Variants in IQGAP1 observed in about 807,000 individuals in gnomAD.
IQGAP1 encodes the protein IQ motif containing GTPase activating protein 1.
In IQGAP1, 66 loss-of-function variants were observed where a neutral mutation model predicts 215.6. The ratio of observed to expected loss-of-function variants is 0.31; its 90% confidence interval spans 0.25 to 0.38. The LOEUF is 0.38. IQGAP1 is among the 10% of genes least tolerant of loss of function. The pLI is 1.00. For synonymous variants in IQGAP1, 772 were observed against 728.7 expected (o/e 1.06, Z -0.96); for missense variants, 1,712 against 1,997.1 (o/e 0.86, Z 2.72).
chr15:90,412,212 T>G (rs1287855659), intron 2 of IQGAP1, among the ~76,000 whole-genome samples: 2 of 152,196 alleles, frequency 1.3e-5, no homozygotes, highest in Non-Finnish European at 2.9e-5. Flanking sequence ...TTCCCTGTTT[T>G]TCACTTATTC....
At chr15:90,414,857 G>A (rs2601202) in intron 2 of IQGAP1, among the ~76,000 whole-genome samples, 31,080 of 152,092 alleles carry the variant, frequency 0.2, 3,949 homozygotes, top group East Asian at 0.46. Flanking sequence ...TGTTTCAACC[G>A]TGAATTGCTC....
At position 90,499,414 on chromosome 15, in the gene IQGAP1, C is replaced by T. The variant is rs530611490; in HGVS notation, c.4861-581C>T. Among the ~76,000 whole-genome samples, 8 of 152,328 alleles carry T rather than the reference C, an allele frequency of 5.3e-5. No homozygotes were observed. The South Asian group carries it at 1.2e-3, about 24-fold the overall frequency. On this transcript the variant is annotated intron_variant, in intron 37 of 37. Transcript: ENST00000268182. ...TGTAATGTGCTTACACAATGCCAAG[C>T]ACATGGCAGACACCTAATAAAACAT...
chr15:90,470,264 GAAA>G (rs1965887637), intron 18 of IQGAP1, among the ~76,000 whole-genome samples: 1 of 152,076 alleles, frequency 6.6e-6, no homozygotes, highest in African/African-American at 2.4e-5. Flanking sequence ...CTCTCTGGAG[GAAA>G]CAGCTATCCT....
chr15:90,427,746 A>T (rs1321372617), intron 3 of IQGAP1, among the ~76,000 whole-genome samples: 1 of 152,104 alleles, frequency 6.6e-6, no homozygotes, highest in Non-Finnish European at 1.5e-5. Flanking sequence ...TCTCCCAAAA[A>T]AAAAATGGGG....
intron 24 of IQGAP1, 118 bp from the exon 25 acceptor site, chr15:90,476,949 G>C: frequency 7.5e-7 from 1 of 1,325,532 alleles, no homozygotes; most frequent in Non-Finnish European, 1.1e-6. Flanking sequence ...ACTGTAACAT[G>C]TTAATTTATT....
In IQGAP1 at chr15:90,422,662, A is replaced by ATATATATATATG. The variant is rs1180103668; in HGVS notation, c.156-3437_156-3436insGTATATATATAT. On this transcript the variant is annotated intron_variant, in intron 2 of 37. Coordinates refer to ENST00000268182, the MANE Select transcript of IQGAP1 (RefSeq NM_003870.4). ...TATGTATATGTATATATATATATGT[A>ATATATATATATG]TATATATATATATATATAATTTTTG... Among the ~76,000 whole-genome samples the ATATATATATATG allele has an allele frequency of 4.1e-5, 3 of 73,124 alleles. 1 individual carries two copies. In the East Asian group the frequency reaches 1.2e-3, roughly 28 times the overall value. The allele number at this position is 73,124 out of a possible 152,430, so 48.0% of individuals were successfully genotyped here.
At chr15:90,468,042 AAC>A (rs1301545894) in intron 18 of IQGAP1, among the ~76,000 whole-genome samples, 1 of 142,756 alleles carries the variant, frequency 7.0e-6, no homozygotes, top group Non-Finnish European at 1.5e-5. Context: ...TGTTCCATTC[AAC>A]AGTTTTTGTT....
chr15:90,482,070 C>G lies in IQGAP1; in HGVS notation c.3440C>G (p.Ser1147Ter). 1 of 1,614,246 alleles carries G rather than the reference C, an allele frequency of 6.2e-7. No homozygotes were observed. The highest frequency in any genetic ancestry group is 8.5e-7 in the Non-Finnish European group (1 of 1,180,044). Residue 1147 changes from serine (S) to a stop codon, truncating the protein, a stop_gained, in exon 27 of 38, where the codon TCA (serine) becomes TGA (stop). Coordinates refer to ENST00000268182, the MANE Select transcript of IQGAP1 (RefSeq NM_003870.4). LOFTEE classifies it high-confidence loss of function. ...NMRAVTDKFL[S>*]AIVSSVDKIP... ...CGGGCTGTGACAGACAAGTTTCTCT[C>G]AGCCATTGTCAGCTCTGTGGACAAA...
intron 8 of IQGAP1, among the ~76,000 whole-genome samples, chr15:90,442,921 A>G (rs1965472219): frequency 6.6e-6 from 1 of 151,924 alleles, no homozygotes; most frequent in Non-Finnish European, 1.5e-5. Flanking sequence ...TTAATGAGCC[A>G]AGATGGTGCC....
At chr15:90,432,523 C>A (rs1965316850) in intron 4 of IQGAP1, among the ~76,000 whole-genome samples, 1 of 152,142 alleles carries the variant, frequency 6.6e-6, no homozygotes, top group African/African-American at 2.4e-5. Flanking sequence ...ACTTGTCTGA[C>A]TTTCAAGTTG....
intron 26 of IQGAP1, among the ~76,000 whole-genome samples, chr15:90,480,352 C>G (rs759906514): frequency 6.6e-6 from 1 of 151,768 alleles, no homozygotes; most frequent in African/African-American, 2.4e-5. Flanking sequence ...TCTTCTTTTA[C>G]TTCAGCCACC....
chr15:90,476,627 A>C (rs1965984423), intron 23 of IQGAP1, 36 bp from the exon 24 acceptor site: 1 of 1,506,706 alleles, frequency 6.6e-7, no homozygotes, highest in Non-Finnish European at 8.9e-7. Flanking sequence ...TCATCTTTGA[A>C]AGCTTTCTGA....
At chr15:90,497,067 G>A (rs1340014062) in intron 36 of IQGAP1, 165 bp from the exon 37 acceptor site, 1 of 551,336 alleles carries the variant, frequency 1.8e-6, no homozygotes, top group Non-Finnish European at 3.3e-6. Context: ...GATGGTACTT[G>A]GGCTTGGCAA....
At chr15:90,498,194 T>TA (rs1966297530) in intron 37 of IQGAP1, among the ~76,000 whole-genome samples, 1 of 152,156 alleles carries the variant, frequency 6.6e-6, no homozygotes. Context: ...GGTGTTGACT[T>TA]ACTTCCCCTC....
chr15:90,388,946 GA>G (rs951062473), intron 1 of IQGAP1, among the ~76,000 whole-genome samples: 5 of 148,810 alleles, frequency 3.4e-5, no homozygotes, highest in Admixed American at 6.7e-5. Context: ...TAGTAATAAA[GA>G]AAAAAAAAAG....
intron 15 of IQGAP1, among the ~76,000 whole-genome samples, chr15:90,465,747 C>G (rs1266296884): frequency 6.6e-6 from 1 of 152,106 alleles, no homozygotes; most frequent in African/African-American, 2.4e-5. Flanking sequence ...CCAGGCTGGT[C>G]TCGAGCTCCT....
rs867970983 is a variant in IQGAP1 at position 90,399,114 on chromosome 15, C to T, written c.155+8241C>T. ...GGGACTATAGGCCCACTTCACCTCA[C>T]CTAACTAATTAAAAAAAATTTTTTT... is the stretch of plus-strand genomic sequence containing the variant. On this transcript the variant is annotated intron_variant, in intron 2 of 37. Coordinates refer to ENST00000268182, the MANE Select transcript of IQGAP1 (RefSeq NM_003870.4). Among the ~76,000 whole-genome samples, 7 of 151,712 alleles carry T rather than the reference C, an allele frequency of 4.6e-5. No individual in the cohort carries two copies. In the South Asian group the frequency reaches 1.5e-3, roughly 32 times the overall value.
chr15:90,414,114 CCTT>C (rs1965009127), intron 2 of IQGAP1, among the ~76,000 whole-genome samples: 3 of 152,104 alleles, frequency 2.0e-5, no homozygotes, highest in Admixed American at 1.3e-4. Context: ...CAGACTAACT[CCTT>C]CTCCGTTCCC....
intron 36 of IQGAP1, 75 bp from the exon 37 acceptor site, chr15:90,497,157 T>C: frequency 1.3e-6 from 1 of 773,426 alleles, no homozygotes; most frequent in Non-Finnish European, 2.2e-6. Flanking sequence ...TTGGTTCATC[T>C]CCTTTCCCCA....
Sources: gnomAD v4.1 joint callset for allele counts (sites outside exome capture counted in the v4.1 genomes callset) on GRCh38, gnomAD v4.1.1 for gene constraint, MANE v1.5 for transcripts, NCBI Gene and HGNC (gene_info 2026-07-23, HGNC 2026-07-21) for gene names.